SLC9A9: variants seen among roughly 807,000 people sequenced by gnomAD.
The protein encoded by SLC9A9 is sodium/hydrogen exchanger 9.
In SLC9A9, 62 loss-of-function variants were observed where a neutral mutation model predicts 77.8. The ratio of observed to expected loss-of-function variants is 0.80; its 90% CI spans 0.65 to 0.98. The LOEUF is 0.98. Among genes scored for constraint, SLC9A9 ranks in the 50% least tolerant of loss-of-function variants. The pLI is 0.00. For synonymous variants in SLC9A9, 320 were observed against 283.5 expected (o/e 1.13, Z -1.29); for missense variants, 775 against 774.9 (o/e 1.00, Z 0.00).
chr3:143,277,934 A>G (rs569379560), intron 14 of SLC9A9, among the ~76,000 whole-genome samples: 1 of 152,178 alleles, frequency 6.6e-6, no homozygotes, highest in Non-Finnish European at 1.5e-5. Context: ...ATGTAGTCCT[A>G]TAAGCACTAG....
At chr3:143,434,684 TC>T in intron 12 of SLC9A9, among the ~76,000 whole-genome samples, 1 of 152,222 alleles carries the variant, frequency 6.6e-6, no homozygotes, top group East Asian at 1.9e-4. Flanking sequence ...TCATCTTATC[TC>T]ACCTGGATTC....
At chr3:143,295,903 G>C (rs1427352991) in intron 14 of SLC9A9, among the ~76,000 whole-genome samples, 1 of 122,600 alleles carries the variant, frequency 8.2e-6, no homozygotes, top group Non-Finnish European at 1.7e-5. Flanking sequence ...AGCTGCTCAT[G>C]GCACCCCTCC....
chr3:143,686,468 A>T (rs1397633564), intron 5 of SLC9A9, among the ~76,000 whole-genome samples: 1 of 152,098 alleles, frequency 6.6e-6, no homozygotes, highest in Non-Finnish European at 1.5e-5. Context: ...GCAGTATTTA[A>T]TAGGGTGAGC....
At chr3:143,409,645 G>A (rs963832224) in intron 12 of SLC9A9, among the ~76,000 whole-genome samples, 4 of 152,214 alleles carry the variant, frequency 2.6e-5, no homozygotes, top group Non-Finnish European at 5.9e-5. Flanking sequence ...CAGGATAGAA[G>A]CGATTCTTTC....
intron 12 of SLC9A9, among the ~76,000 whole-genome samples, chr3:143,450,258 CAT>C (rs1300803029): frequency 2.1e-5 from 3 of 140,950 alleles, no homozygotes; most frequent in African/African-American, 5.2e-5. Flanking sequence ...TATATTGTAA[CAT>C]AAAAATTATT....
At chr3:143,474,231 G>A (rs557368716) in intron 11 of SLC9A9, among the ~76,000 whole-genome samples, 13 of 152,338 alleles carry the variant, frequency 8.5e-5, no homozygotes, top group African/African-American at 2.9e-4. Context: ...GGGTGGAGCT[G>A]GGAGGCAGTG....
intron 9 of SLC9A9, among the ~76,000 whole-genome samples, chr3:143,551,511 T>A (rs1047434970): frequency 2.6e-5 from 4 of 152,204 alleles, no homozygotes; most frequent in Non-Finnish European, 4.4e-5. Context: ...TGGCCTCAAA[T>A]GCCCTTGTGG....
intron 1 of SLC9A9, among the ~76,000 whole-genome samples, chr3:143,842,482 T>G (rs983261690): frequency 6.6e-6 from 1 of 152,216 alleles, no homozygotes; most frequent in Non-Finnish European, 1.5e-5. Context: ...CTCTGGCAAA[T>G]GTATTAACAC....
intron 9 of SLC9A9, among the ~76,000 whole-genome samples, chr3:143,530,912 T>C (rs1394196777): frequency 1.3e-5 from 2 of 152,146 alleles, no homozygotes; most frequent in African/African-American, 2.4e-5. Flanking sequence ...TTTTAGTTCA[T>C]AGAATAAAAT....
At position 143,382,184 on chromosome 3, in the gene SLC9A9, T is replaced by A; in HGVS notation, c.1470-70A>T. On this transcript the variant is annotated intron_variant, in intron 12 of 15. Transcript: ENST00000316549. ...GAATGAGACAGTCTTGTGTGTCAGATGACCTAACCCAAACACAATGTGAAT... is the reference window on the plus strand; with the variant it reads ...GAATGAGACAGTCTTGTGTGTCAGAAGACCTAACCCAAACACAATGTGAAT... The A allele has an allele frequency of 2.0e-6, 3 of 1,501,158 alleles. No homozygotes were observed. In the South Asian group the frequency reaches 3.4e-5, roughly 17 times the overall value. The allele number at this position is 1,501,158 out of a possible 1,614,324, so 93.0% of individuals were successfully genotyped here. A position where few individuals can be genotyped will look rare whatever the true frequency, so the allele number is the denominator to read the frequency against.
intron 12 of SLC9A9, among the ~76,000 whole-genome samples, chr3:143,449,658 A>T (rs1034065016): frequency 5.4e-5 from 1 of 18,536 alleles, no homozygotes; most frequent in Non-Finnish European, 9.2e-5. Context: ...TAATTATATA[A>T]AATATAATTA....
chr3:143,562,601 C>A (rs2037105637), intron 8 of SLC9A9, among the ~76,000 whole-genome samples: 1 of 151,344 alleles, frequency 6.6e-6, no homozygotes, highest in South Asian at 2.1e-4. Flanking sequence ...ATTTATCTTG[C>A]ATGTTTTGTT....
chr3:143,668,683 C>T (rs1214882961), intron 5 of SLC9A9, among the ~76,000 whole-genome samples: 1 of 152,118 alleles, frequency 6.6e-6, no homozygotes, highest in African/African-American at 2.4e-5. Flanking sequence ...ATTCTGTTTA[C>T]TGAATAAATG....
At chr3:143,779,557 G>A (rs2007806452) in intron 4 of SLC9A9, among the ~76,000 whole-genome samples, 1 of 152,118 alleles carries the variant, frequency 6.6e-6, no homozygotes. Flanking sequence ...TTTTAGTACA[G>A]TCGGGGTTTC....
At chr3:143,684,070 T>C (rs956397363) in intron 5 of SLC9A9, among the ~76,000 whole-genome samples, 4 of 151,672 alleles carry the variant, frequency 2.6e-5, no homozygotes, top group Non-Finnish European at 4.4e-5. Flanking sequence ...CATTTTATAT[T>C]TGGAGTAACT....
At chr3:143,543,425 C>T (rs546980587) in intron 9 of SLC9A9, among the ~76,000 whole-genome samples, 6 of 151,508 alleles carry the variant, frequency 4.0e-5, no homozygotes, top group East Asian at 1.9e-4. Flanking sequence ...AAGGACTACA[C>T]GTGTACTTTT....
intron 4 of SLC9A9, among the ~76,000 whole-genome samples, chr3:143,775,769 C>T (rs533498331): frequency 3.3e-5 from 5 of 152,160 alleles, no homozygotes; most frequent in South Asian, 2.1e-4. Context: ...CTCTGAAATC[C>T]GCAAATAATT....
chr3:143,612,389 GTC>G (rs957541409), intron 6 of SLC9A9, among the ~76,000 whole-genome samples: 1 of 152,170 alleles, frequency 6.6e-6, no homozygotes, highest in African/African-American at 2.4e-5. Context: ...TCCTCAGACA[GTC>G]TCTCTCTCAC....
chr3:143,274,832 A>G (rs1029268794), intron 14 of SLC9A9, among the ~76,000 whole-genome samples: 1 of 152,192 alleles, frequency 6.6e-6, no homozygotes, highest in African/African-American at 2.4e-5. Context: ...TATTTTTGCC[A>G]TATCCTTGCA....
Sources: gnomAD v4.1 joint callset for allele counts (sites outside exome capture counted in the v4.1 genomes callset) on GRCh38, gnomAD v4.1.1 for gene constraint, MANE v1.5 for transcripts, NCBI Gene and HGNC (gene_info 2026-07-23, HGNC 2026-07-21) for gene names.